RPGR: variants seen among roughly 807,000 people sequenced by gnomAD.
RPGR encodes X-linked retinitis pigmentosa GTPase regulator.
Under a neutral mutation model 56.3 loss-of-function variants are expected in RPGR, and 10 were observed. The observed-to-expected ratio is 0.18, with a 90% confidence interval of 0.11 to 0.30. The LOEUF (loss-of-function observed/expected upper bound fraction) is 0.30, where lower values mean the gene tolerates loss of function less well. RPGR is among the 10% of genes least tolerant of loss of function. The pLI, the probability that RPGR is intolerant of heterozygous loss-of-function variation, is 1.00. For synonymous variants in RPGR, 197 were observed against 212.9 expected, an observed-to-expected ratio of 0.93 and a Z score of 0.65; for missense variants, 538 against 590.9, an observed-to-expected ratio of 0.91 and a Z score of 0.93.
At position 38,287,200 on chromosome X, in the gene RPGR, C is replaced by T; in HGVS notation, c.1799G>A (p.Gly600Glu). The stretch of plus-strand genomic sequence containing the variant: ...TGCTTCTACCTCTTGCTCCTCTATT[C>T]CATTTCCTTTTGAATCCTCTGCTCC... Residue 600 changes from glycine (G) to glutamate (E), a missense_variant, in exon 15 of 19, where the codon GGA (glycine) becomes GAA (glutamate). Gly to Glu is a moderately conservative substitution (Grantham distance 98, BLOSUM62 -2). This residue lies in a region of RPGR where 357 missense variants were observed against 325.8 expected (regional missense o/e 1.10). Coordinates refer to ENST00000642395, the MANE Select transcript of RPGR (RefSeq NM_000328.3). The T allele has an allele frequency of 8.3e-7, 1 of 1,211,099 alleles. No individual in the cohort carries two copies. Among genetic ancestry groups the T allele is most frequent in the Non-Finnish European group, 1.1e-6 (1 of 895,395 alleles).
intron 11 of RPGR, among the ~76,000 whole-genome samples, chrX:38,294,376 G>C (rs999980990): frequency 1.8e-5 from 2 of 110,694 alleles, no homozygotes; most frequent in African/African-American, 6.6e-5. Context: ...CAACATCCAT[G>C]GATTTTATTA....
At chrX:38,323,906 T>C (rs951705352) in intron 1 of RPGR, among the ~76,000 whole-genome samples, 6 of 112,309 alleles carry the variant, frequency 5.3e-5, no homozygotes, top group African/African-American at 1.9e-4. Flanking sequence ...GTCTGGCCTC[T>C]GACTGAGAGC....
chrX:38,304,588 A>G, intron 8 of RPGR, 47 bp downstream of exon 8: 2 of 1,002,575 alleles, frequency 2.0e-6, no homozygotes, highest in Non-Finnish European at 2.8e-6. Context: ...TTTTGTAATA[A>G]AATATACCCA....
intron 7 of RPGR, among the ~76,000 whole-genome samples, 169 bp downstream of exon 7, chrX:38,310,446 G>A (rs751950864): frequency 8.8e-4 from 98 of 111,056 alleles, no homozygotes; most frequent in African/African-American, 2.8e-3. Context: ...TACAATGGTC[G>A]TGCCTATACA....
In RPGR at chrX:38,323,056, G is replaced by A. The variant is rs770469443; in HGVS notation, c.155-111C>T. On this transcript the variant is annotated intron_variant, in intron 2 of 18. Coordinates refer to ENST00000642395, the MANE Select transcript of RPGR (RefSeq NM_000328.3). Reference sequence around the variant, plus strand: ...ACTTTTAAAATGTCACTGCTTTTCTGTGTTGAAATAAGTTACCTTGTTCAT... The same window carrying A: ...ACTTTTAAAATGTCACTGCTTTTCTATGTTGAAATAAGTTACCTTGTTCAT... 4 of 620,194 alleles carry A rather than the reference G, an allele frequency of 6.4e-6. No individual in the cohort carries two copies. The South Asian group carries it at 7.3e-5, about 11-fold the overall frequency. The allele number at this position is 620,194 out of a possible 1,213,427, so 51.1% of individuals were successfully genotyped here.
intron 11 of RPGR, 34 bp from the exon 12 acceptor site, chrX:38,291,518 T>C (rs1034905869): frequency 8.2e-6 from 7 of 850,751 alleles, no homozygotes; most frequent in Non-Finnish European, 1.2e-5. Flanking sequence ...GAAATCCAGA[T>C]TTCAACAGAA....
intron 3 of RPGR, among the ~76,000 whole-genome samples, chrX:38,321,390 G>A (rs1601979624): frequency 9.0e-6 from 1 of 111,649 alleles, no homozygotes; most frequent in East Asian, 2.8e-4. Flanking sequence ...TAGGCCGGGT[G>A]TGGTGGCTCC....
At chrX:38,296,256 A>G (rs2067381423) in intron 11 of RPGR, 1 of 111,679 alleles carries the variant, frequency 9.0e-6, no homozygotes, top group Non-Finnish European at 1.9e-5. Flanking sequence ...CAGAGCTTGC[A>G]GTGAGCCCAG....
Position 38,287,085 on chromosome X carries a change from T to C in RPGR, c.1905+9A>G. ...CTTCTCCCACTGATTTTGCCTTGCC[T>C]TCACTCACCTCTGCTTTGTCTGTAA... On this transcript the variant is annotated intron_variant, in intron 15 of 18. Transcript: ENST00000642395. The C allele has an allele frequency of 8.3e-7, 1 of 1,211,217 alleles. No homozygotes were observed. Among genetic ancestry groups the C allele is most frequent in the Non-Finnish European group, 1.1e-6 (1 of 895,453 alleles).
chrX:38,313,363 C>T (rs2067758564), intron 6 of RPGR, among the ~76,000 whole-genome samples: 2 of 112,391 alleles, frequency 1.8e-5, no homozygotes, highest in African/African-American at 3.2e-5. Flanking sequence ...CAGAGTCAGA[C>T]TGCCTTGTTT....
chrX:38,300,197 G>A (rs1227399413), intron 9 of RPGR, among the ~76,000 whole-genome samples: 7 of 111,529 alleles, frequency 6.3e-5, no homozygotes, highest in East Asian at 2.8e-4. Context: ...TGATCTGCAC[G>A]CCTCGGCCTC....
At chrX:38,318,054 A>T (rs1230692510) in intron 5 of RPGR, among the ~76,000 whole-genome samples, 2 of 112,113 alleles carry the variant, frequency 1.8e-5, no homozygotes, top group Non-Finnish European at 3.8e-5. Context: ...ATTTCTGATA[A>T]GGGTTTTGAT....
intron 6 of RPGR, among the ~76,000 whole-genome samples, chrX:38,315,838 T>TATATATATATAGAG (rs768025579): frequency 1.1e-5 from 1 of 90,844 alleles, no homozygotes; most frequent in African/African-American, 4.4e-5. Flanking sequence ...TATATATATA[T>TATATATATATAGAG]AGAGAGAGAG....
chrX:38,277,682 T>C (rs1403464641), intron 15 of RPGR, among the ~76,000 whole-genome samples: 1 of 111,855 alleles, frequency 8.9e-6, no homozygotes, highest in Non-Finnish European at 1.9e-5. Context: ...ATAACATTTG[T>C]ACAAAGTTCA....
intron 11 of RPGR, among the ~76,000 whole-genome samples, chrX:38,293,632 C>A (rs934818747): frequency 1.8e-5 from 2 of 111,837 alleles, no homozygotes; most frequent in Admixed American, 9.5e-5. Context: ...AAATACATAG[C>A]AGATTATTTA....
At chrX:38,320,977 A>C in intron 4 of RPGR, 50 bp downstream of exon 4, 1 of 922,913 alleles carries the variant, frequency 1.1e-6, no homozygotes, top group Non-Finnish European at 1.6e-6. Context: ...CTGGAATGAG[A>C]CCTCAGTTCT....
intron 6 of RPGR, among the ~76,000 whole-genome samples, chrX:38,313,900 G>A (rs1243784562): frequency 8.9e-6 from 1 of 111,976 alleles, no homozygotes; most frequent in African/African-American, 3.3e-5. Context: ...CTTTTACATA[G>A]TAAGTTGATG....
At chrX:38,276,876 G>T in intron 15 of RPGR, 1 of 656,154 alleles carries the variant, frequency 1.5e-6, no homozygotes. Flanking sequence ...AAAAAACCAG[G>T]AAAATATTAA....
chrX:38,320,039 C>G (rs2067902552), intron 4 of RPGR, among the ~76,000 whole-genome samples: 1 of 112,028 alleles, frequency 8.9e-6, no homozygotes, highest in Admixed American at 9.5e-5. Context: ...CACAATTTCA[C>G]ACACATGGAG....
Sources: gnomAD v4.1 joint callset for allele counts (sites outside exome capture counted in the v4.1 genomes callset) on GRCh38, gnomAD v4.1.1 for gene constraint, gnomAD v4.1.1 regional missense constraint, MANE v1.5 for transcripts, NCBI Gene and HGNC (gene_info 2026-07-23, HGNC 2026-07-21) for gene names.